FRMD4A: variants seen among roughly 807,000 people sequenced by gnomAD.
FRMD4A encodes FERM domain containing 4A.
A neutral mutation model predicts 129.1 loss-of-function variants in FRMD4A; 29 were observed. That is an observed-to-expected ratio of 0.22 (90% CI 0.17 to 0.31). The LOEUF (loss-of-function observed/expected upper bound fraction) is 0.31. Ranked by LOEUF, FRMD4A falls within the 10% of genes least tolerant of loss-of-function variation. The pLI, the probability that FRMD4A is intolerant of heterozygous loss-of-function variation, is 1.00. For synonymous variants in FRMD4A, 634 were observed against 571.6 expected, an observed-to-expected ratio of 1.11 and a Z score of -1.56; for missense variants, 1,272 against 1,375.8, an observed-to-expected ratio of 0.92 and a Z score of 1.19.
intron 2 of FRMD4A, among the ~76,000 whole-genome samples, chr10:14,129,250 G>A (rs1283892235): frequency 6.6e-6 from 1 of 151,020 alleles, no homozygotes; most frequent in Non-Finnish European, 1.5e-5. Context: ...GCAATTCAAG[G>A]AACCAAGGCA....
intron 2 of FRMD4A, among the ~76,000 whole-genome samples, chr10:14,173,227 T>C (rs1841566482): frequency 1.3e-5 from 2 of 152,230 alleles, no homozygotes; most frequent in Non-Finnish European, 2.9e-5. Context: ...ACTTTGGATC[T>C]ATCCATTTAG....
At chr10:13,684,991 T>G (rs2084943749) in intron 15 of FRMD4A, 1 of 983,660 alleles carries the variant, frequency 1.0e-6, no homozygotes, top group Non-Finnish European at 1.2e-6. Context: ...TTCTTCTTTA[T>G]GATAAAAAGA....
intron 2 of FRMD4A, among the ~76,000 whole-genome samples, chr10:14,185,573 T>C (rs76024865): frequency 0.013 from 1,972 of 152,122 alleles, 40 homozygotes; most frequent in East Asian, 0.062. Context: ...AAAGGTTCAA[T>C]CTCGTCTTGT....
At chr10:13,803,199 C>G (rs776325631) in intron 4 of FRMD4A, among the ~76,000 whole-genome samples, 8 of 150,324 alleles carry the variant, frequency 5.3e-5, no homozygotes, top group Non-Finnish European at 1.2e-4. Flanking sequence ...CACTATAAAC[C>G]TTTAATAATA....
chr10:14,298,359 A>C (rs1846076454), intron 2 of FRMD4A, among the ~76,000 whole-genome samples: 1 of 152,164 alleles, frequency 6.6e-6, no homozygotes, highest in South Asian at 2.1e-4. Context: ...TAAACAGAGC[A>C]TACAGAGGGC....
At chr10:13,790,224 C>T (rs1206582417) in intron 5 of FRMD4A, among the ~76,000 whole-genome samples, 1 of 151,918 alleles carries the variant, frequency 6.6e-6, no homozygotes, top group East Asian at 1.9e-4. Flanking sequence ...GTGATGGTGC[C>T]CATCACAAAG....
rs367733641 is a variant in FRMD4A at position 14,098,333 on chromosome 10, C to T, written c.45+231725G>A. On this transcript the variant is annotated intron_variant, in intron 2 of 24. Transcript: ENST00000357447. ...ATATCATTCTCTCCAATATTCTCAA[C>T]GCAACATTTCTCAACATTTCCTTGA... 1.1e-4 allele frequency among the ~76,000 whole-genome samples: 17 copies of T among 151,102 alleles called. No homozygotes were observed. In the South Asian group the frequency reaches 1.9e-3, roughly 17 times the overall value.
intron 2 of FRMD4A, among the ~76,000 whole-genome samples, chr10:14,113,377 G>A: frequency 6.6e-6 from 1 of 152,062 alleles, no homozygotes; most frequent in African/African-American, 2.4e-5. Flanking sequence ...CACCTAATGA[G>A]TAGAAAATAT....
intron 15 of FRMD4A, among the ~76,000 whole-genome samples, chr10:13,682,212 A>AGACCCCGTCTGAAACCC (rs1438648420): frequency 6.6e-6 from 1 of 152,120 alleles, no homozygotes; most frequent in African/African-American, 2.4e-5. Flanking sequence ...CAACAAAGCA[A>AGACCCCGTCTGAAACCC]GACCCCGTCT....
intron 4 of FRMD4A, among the ~76,000 whole-genome samples, chr10:13,801,530 T>C (rs10906492): frequency 0.34 from 51,724 of 152,070 alleles, 9,958 homozygotes; most frequent in Non-Finnish European, 0.43. Flanking sequence ...GCCTCCACTT[T>C]AAAGGCTTGT....
intron 2 of FRMD4A, among the ~76,000 whole-genome samples, chr10:13,940,182 TG>T (rs1295962823): frequency 6.6e-6 from 1 of 151,898 alleles, no homozygotes; most frequent in East Asian, 2.0e-4. Flanking sequence ...CGTGCTTCCT[TG>T]GGGGTCTGAC....
chr10:13,740,823 G>GTTTTTTTTT lies in FRMD4A; in HGVS notation c.549-247_549-246insAAAAAAAAA, dbSNP rs369798483. Among the ~76,000 whole-genome samples, 30 of 105,112 alleles carry GTTTTTTTTT rather than the reference G, an allele frequency of 2.9e-4. 3 individuals carry two copies. The highest frequency in any genetic ancestry group is 3.5e-4 in the African/African-American group (9 of 25,510). The allele number at this position is 105,112 out of a possible 152,430, so 69.0% of individuals were successfully genotyped here. A position where few individuals can be genotyped will look rare whatever the true frequency, so the allele number is the denominator to read the frequency against. ...GACTTGCATTCTCTTTGTCTTGGAT[G>GTTTTTTTTT]TTTGTTTTTTTTTTTTTTTTTGAGA... On this transcript the variant is annotated intron_variant, in intron 9 of 24. Coordinates refer to ENST00000357447, the MANE Select transcript of FRMD4A (RefSeq NM_018027.5).
At chr10:14,037,372 C>G (rs917319368) in intron 2 of FRMD4A, among the ~76,000 whole-genome samples, 1 of 152,100 alleles carries the variant, frequency 6.6e-6, no homozygotes, top group African/African-American at 2.4e-5. Context: ...TGGGCACCAC[C>G]ATGTCCACCT....
chr10:14,276,948 T>C (rs1845363402), intron 2 of FRMD4A, among the ~76,000 whole-genome samples: 1 of 152,232 alleles, frequency 6.6e-6, no homozygotes, highest in Admixed American at 6.5e-5. Context: ...CACTGCAACC[T>C]CTGCCTCCCG....
chr10:14,229,357 C>T (rs928293235), intron 2 of FRMD4A, among the ~76,000 whole-genome samples: 13 of 152,156 alleles, frequency 8.5e-5, no homozygotes, highest in Non-Finnish European at 1.9e-4. Flanking sequence ...TGCACATATC[C>T]TATCATTTAA....
intron 8 of FRMD4A, among the ~76,000 whole-genome samples, chr10:13,752,940 C>G (rs962223173): frequency 6.6e-6 from 1 of 152,172 alleles, no homozygotes; most frequent in Non-Finnish European, 1.5e-5. Flanking sequence ...TGTTTAATTC[C>G]AGGTGCTGCC....
At chr10:13,948,559 C>T (rs1298516902) in intron 2 of FRMD4A, among the ~76,000 whole-genome samples, 1 of 151,566 alleles carries the variant, frequency 6.6e-6, no homozygotes, top group Non-Finnish European at 1.5e-5. Context: ...ATTTTGCAGG[C>T]AGCTCTAGGG....
intron 2 of FRMD4A, among the ~76,000 whole-genome samples, chr10:14,061,726 T>C (rs140580223): frequency 6.8e-4 from 103 of 152,212 alleles, no homozygotes; most frequent in African/African-American, 2.4e-3. Context: ...AAGAGATGCA[T>C]AGGAGGAAAT....
At chr10:14,041,800 G>A (rs1375039763) in intron 2 of FRMD4A, among the ~76,000 whole-genome samples, 1 of 152,204 alleles carries the variant, frequency 6.6e-6, no homozygotes, top group Non-Finnish European at 1.5e-5. Context: ...TTGAGTAAAA[G>A]AAGCTAGACA....
Sources: gnomAD v4.1 joint callset for allele counts (sites outside exome capture counted in the v4.1 genomes callset) on GRCh38, gnomAD v4.1.1 for gene constraint, MANE v1.5 for transcripts, NCBI Gene and HGNC (gene_info 2026-07-23, HGNC 2026-07-21) for gene names.